The following SP140 variants were observed in gnomAD, a reference collection of about 807,000 sequenced individuals.
SP140 encodes the protein SP140 nuclear body protein.
A neutral mutation model predicts 125.0 loss-of-function variants in SP140; 81 were observed. The observed-to-expected ratio is 0.65, with a 90% CI of 0.54 to 0.78. The LOEUF is 0.78. SP140 is among the 30% of genes least tolerant of loss of function. The pLI is 0.00. For synonymous variants in SP140, 312 were observed against 354.0 expected, an observed-to-expected ratio of 0.88 and a Z score of 1.33; for missense variants, 858 against 1,037.0, an observed-to-expected ratio of 0.83 and a Z score of 2.37.
chr2:230,303,377 A>G (rs1386769912), intron 22 of SP140, among the ~76,000 whole-genome samples: 1 of 152,218 alleles, frequency 6.6e-6, no homozygotes, highest in Non-Finnish European at 1.5e-5. Context: ...GAAATTCTGA[A>G]GAGACCAGTA....
chr2:230,225,817 G>C lies in SP140; in HGVS notation c.-28G>C. 1 of 1,607,762 alleles carries C rather than the reference G, an allele frequency of 6.2e-7. No homozygotes were observed. Among genetic ancestry groups the C allele is most frequent in the Non-Finnish European group, 8.5e-7 (1 of 1,174,246 alleles). On this transcript the variant is annotated 5_prime_UTR_variant, in exon 1 of 27. Coordinates refer to ENST00000392045, the MANE Select transcript of SP140 (RefSeq NM_007237.5). ...AGGAAGGAACGGGGCAGTGAAAATCGAATCGGGTGTGATCCTAGGCCAAGC... is the reference window on the plus strand; with the variant it reads ...AGGAAGGAACGGGGCAGTGAAAATCCAATCGGGTGTGATCCTAGGCCAAGC...
chr2:230,283,573 C>A (rs2055926286), intron 15 of SP140, among the ~76,000 whole-genome samples: 2 of 152,186 alleles, frequency 1.3e-5, no homozygotes, highest in Admixed American at 1.3e-4. Context: ...ATCCCCACCA[C>A]TTTTGTCCTG....
Position 230,244,987 on chromosome 2 carries a change from G to T in SP140, c.572-1G>T, listed in dbSNP as rs376076382. On this transcript the variant is annotated splice_acceptor_variant, in intron 5 of 26. Transcript: ENST00000392045. LOFTEE classifies it high-confidence loss of function. ...CATCACTGTGCCTTGTTTATTTCCAGGTTTCTCTTCAGAGTCTTGTGAGCA... is the reference window on the plus strand; with the variant it reads ...CATCACTGTGCCTTGTTTATTTCCATGTTTCTCTTCAGAGTCTTGTGAGCA... 46 of 1,609,920 alleles carry T rather than the reference G, an allele frequency of 2.9e-5. No homozygotes were observed. The highest frequency in any genetic ancestry group is 3.7e-5 in the Non-Finnish European group (44 of 1,177,226).
intron 7 of SP140, among the ~76,000 whole-genome samples, chr2:230,246,795 G>A (rs993769170): frequency 1.3e-5 from 2 of 152,128 alleles, no homozygotes; most frequent in African/African-American, 4.8e-5. Flanking sequence ...GGAATTAAAA[G>A]GTGGAGAAAA....
At position 230,287,965 on chromosome 2, in the gene SP140, A is replaced by G. The variant is rs1245538333; in HGVS notation, c.1719A>G (p.Arg573=). 7 of 1,610,398 alleles carry G rather than the reference A, an allele frequency of 4.3e-6. No homozygotes were observed. The highest frequency in any genetic ancestry group is 5.9e-6 in the Non-Finnish European group (7 of 1,178,688). ...DRAAQKRVRS[R]ASRKHKDETV... ...CTGCACAGAAAAGAGTCCGATCAAG[A>G]GGTAAAAAAGAAAACAGGAATGAAC... The change falls in exon 18 of 27, where the codon AGA becomes AGG. Residue 573 remains arginine (R), a splice_region_variant and synonymous_variant. Coordinates refer to ENST00000392045, the MANE Select transcript of SP140 (RefSeq NM_007237.5).
At chr2:230,270,395 T>TAGA (rs952742001) in intron 14 of SP140, among the ~76,000 whole-genome samples, 191 bp from the exon 15 acceptor site, 52 of 152,246 alleles carry the variant, frequency 3.4e-4, no homozygotes, top group African/African-American at 1.2e-3. Flanking sequence ...GTATTTTTGA[T>TAGA]AGAAGACCCA....
intron 15 of SP140, among the ~76,000 whole-genome samples, chr2:230,271,768 C>CA (rs1018895779): frequency 6.6e-6 from 1 of 152,076 alleles, no homozygotes; most frequent in African/African-American, 2.4e-5. Context: ...CTATCCAGGT[C>CA]AAAAAACATG....
intron 3 of SP140, among the ~76,000 whole-genome samples, chr2:230,215,556 C>T (rs1332467358): frequency 6.6e-6 from 1 of 152,250 alleles, no homozygotes; most frequent in African/African-American, 2.4e-5. Flanking sequence ...CTCTCTGTGT[C>T]TCTCAAACTT....
At chr2:230,268,011 C>G (rs1277754650) in intron 12 of SP140, among the ~76,000 whole-genome samples, 1 of 152,132 alleles carries the variant, frequency 6.6e-6, no homozygotes. Flanking sequence ...CAGACCTTGA[C>G]CACCAGCTGT....
intron 12 of SP140, among the ~76,000 whole-genome samples, chr2:230,265,904 G>A (rs1435720484): frequency 6.6e-6 from 1 of 152,030 alleles, no homozygotes; most frequent in African/African-American, 2.4e-5. Flanking sequence ...TAAAAGAAAA[G>A]GATTATGATA....
At chr2:230,290,792 A>G (rs1280692674) in intron 19 of SP140, among the ~76,000 whole-genome samples, 1 of 152,226 alleles carries the variant, frequency 6.6e-6, no homozygotes, top group Non-Finnish European at 1.5e-5. Context: ...ACCAAAGAGA[A>G]GGCAGGAACA....
intron 22 of SP140, among the ~76,000 whole-genome samples, chr2:230,301,905 C>T (rs2149551864): frequency 6.6e-6 from 1 of 152,182 alleles, no homozygotes; most frequent in South Asian, 2.1e-4. Flanking sequence ...CACATAAGGA[C>T]TCACATAAAC....
chr2:230,189,022 T>A, the SP140 span, among the ~76,000 whole-genome samples: 3 of 152,176 alleles, frequency 2.0e-5, no homozygotes, highest in Non-Finnish European at 2.9e-5. Flanking sequence ...CTGAATGATC[T>A]TTTGTATTTC....
At chr2:230,206,640 G>GATATATATATATATATATATAT (rs2043891300) in intron 1 of SP140, among the ~76,000 whole-genome samples, 2 of 40,680 alleles carry the variant, frequency 4.9e-5, no homozygotes, top group Non-Finnish European at 9.9e-5. Context: ...TATATATATG[G>GATATATATATATATATATATAT]ACCACACTTT....
At chr2:230,276,601 A>G (rs1398631757) in intron 15 of SP140, among the ~76,000 whole-genome samples, 2 of 152,200 alleles carry the variant, frequency 1.3e-5, no homozygotes, top group East Asian at 3.8e-4. Flanking sequence ...TCTGCAGCCC[A>G]TGGATCAAAA....
At chr2:230,279,260 A>G (rs74546265) in intron 15 of SP140, among the ~76,000 whole-genome samples, 2,112 of 152,304 alleles carry the variant, frequency 0.014, 30 homozygotes, top group Middle Eastern at 0.031. Flanking sequence ...TGAAGAGTCA[A>G]TGAAATCTCT....
intron 12 of SP140, among the ~76,000 whole-genome samples, chr2:230,263,136 G>A (rs1051296219): frequency 6.6e-6 from 1 of 152,036 alleles, no homozygotes; most frequent in Non-Finnish European, 1.5e-5. Context: ...AAATTTGGGA[G>A]CCCCAATGTT....
intron 3 of SP140, chr2:230,220,124 A>T (rs1281771669): frequency 2.0e-6 from 2 of 977,678 alleles, no homozygotes; most frequent in African/African-American, 3.5e-5. Flanking sequence ...TGAGGCTCCC[A>T]GGACGTCTTG....
chr2:230,192,477 C>A, the SP140 span, among the ~76,000 whole-genome samples: 3 of 152,174 alleles, frequency 2.0e-5, no homozygotes, highest in East Asian at 3.9e-4. Flanking sequence ...CACAAGTATG[C>A]CTTTACACCA....
Sources: gnomAD v4.1 joint callset for allele counts (sites outside exome capture counted in the v4.1 genomes callset) on GRCh38, gnomAD v4.1.1 for gene constraint, MANE v1.5 for transcripts, NCBI Gene and HGNC (gene_info 2026-07-23, HGNC 2026-07-21) for gene names.